The following KANK1 variants were observed in gnomAD, a reference collection of about 807,000 sequenced individuals.
The protein encoded by KANK1 is KN motif and ankyrin repeat domains 1, also known as KN motif and ankyrin repeat domain-containing protein 1.
KANK1 carries 109 observed loss-of-function variants against 106.2 expected under a neutral mutation model. That is an observed-to-expected ratio of 1.03 (90% CI 0.88 to 1.20). The LOEUF is 1.20. KANK1 is among the 50% of genes most tolerant of loss of function. KANK1 has a pLI of 0.00. For missense variants in KANK1, 2,399 were observed against 1,710.7 expected, an observed-to-expected ratio of 1.40 and a Z score of -7.10; for synonymous variants, 873 against 652.2, an observed-to-expected ratio of 1.34 and a Z score of -5.16.
At chr9:561,731 A>C (rs995021727) in intron 1 of KANK1, among the ~76,000 whole-genome samples, 3 of 152,224 alleles carry the variant, frequency 2.0e-5, no homozygotes, top group Non-Finnish European at 4.4e-5. Context: ...AGGCTCCTTA[A>C]AAAATGCATG....
At chr9:726,320 T>C (rs1830623680) in intron 3 of KANK1, among the ~76,000 whole-genome samples, 2 of 152,162 alleles carry the variant, frequency 1.3e-5, no homozygotes, top group Admixed American at 1.3e-4. Context: ...AATAAGCCCA[T>C]TGATCTTTTC....
intron 1 of KANK1, among the ~76,000 whole-genome samples, chr9:609,794 A>G (rs1014178907): frequency 2.0e-5 from 3 of 152,202 alleles, no homozygotes; most frequent in African/African-American, 4.8e-5. Context: ...GTTTGGAACT[A>G]TGGCAAAATT....
chr9:684,343 G>T (rs1818137051), intron 2 of KANK1: 1 of 985,298 alleles, frequency 1.0e-6, no homozygotes, highest in Non-Finnish European at 1.2e-6. Flanking sequence ...ACTGGGCAAA[G>T]AAACCCTTTG....
intron 1 of KANK1, among the ~76,000 whole-genome samples, chr9:541,142 A>C (rs2060574830): frequency 1.3e-5 from 2 of 152,174 alleles, no homozygotes; most frequent in South Asian, 2.1e-4. Flanking sequence ...ACACAAAAAA[A>C]CAGAGAGCTG....
At chr9:655,238 G>A (rs1450531019) in intron 1 of KANK1, among the ~76,000 whole-genome samples, 1 of 152,016 alleles carries the variant, frequency 6.6e-6, no homozygotes, top group African/African-American at 2.4e-5. Flanking sequence ...GGGCATGATG[G>A]CACACGCTTG....
intron 1 of KANK1, among the ~76,000 whole-genome samples, chr9:514,350 G>C (rs1029378235): frequency 6.8e-6 from 1 of 146,586 alleles, no homozygotes; most frequent in Non-Finnish European, 1.5e-5. Context: ...CTTTTTAGGG[G>C]ATGGGATTAT....
intron 8 of KANK1, 46 bp downstream of exon 8, chr9:738,550 G>C (rs1834431838): frequency 6.8e-7 from 1 of 1,472,124 alleles, no homozygotes; most frequent in African/African-American, 1.4e-5. Flanking sequence ...CAGTACTTGG[G>C]TTGTGACTCA....
At chr9:632,051 G>C (rs10815382) in intron 1 of KANK1, among the ~76,000 whole-genome samples, 75,064 of 152,028 alleles carry the variant, frequency 0.49, 18,997 homozygotes, top group East Asian at 0.59. Flanking sequence ...CCCTGTCTCC[G>C]TAGCATTGTG....
rs72691357 is a variant in KANK1 at position 658,997 on chromosome 9, C to T, written c.-83-17893C>T. ...TAAGGAAGGGTACCTCTGTTATTCTCACTCAACACCTGTTTTTTTCTCCTT... is the reference window on the plus strand; with the variant it reads ...TAAGGAAGGGTACCTCTGTTATTCTTACTCAACACCTGTTTTTTTCTCCTT... On this transcript the variant is annotated intron_variant, in intron 1 of 11. Transcript: ENST00000382297. Among the ~76,000 whole-genome samples the T allele has an allele frequency of 8.6e-3, 1,309 of 151,978 alleles. 30 individuals are homozygous for T. The highest frequency in any genetic ancestry group is 0.03 in the African/African-American group (1,222 of 41,236).
At chr9:692,766 G>C (rs893269409) in intron 2 of KANK1, among the ~76,000 whole-genome samples, 17 of 151,942 alleles carry the variant, frequency 1.1e-4, no homozygotes, top group Non-Finnish European at 2.2e-4. Context: ...TGTAATCCCA[G>C]CACTTTGGGA....
intron 1 of KANK1, among the ~76,000 whole-genome samples, chr9:628,642 A>G (rs767954885): frequency 1.1e-4 from 17 of 152,138 alleles, no homozygotes; most frequent in Non-Finnish European, 1.9e-4. Context: ...CTTAGGATTC[A>G]AATCTTCAGG....
intron 1 of KANK1, among the ~76,000 whole-genome samples, chr9:523,881 GT>G (rs2059663599): frequency 6.6e-6 from 1 of 150,546 alleles, no homozygotes; most frequent in Non-Finnish European, 1.5e-5. Flanking sequence ...TATATTTATT[GT>G]TTATTTTCAG....
chr9:504,825 C>A (rs2058665784), intron 1 of KANK1, 71 bp downstream of exon 1: 1 of 126,734 alleles, frequency 7.9e-6, no homozygotes, highest in South Asian at 2.3e-4. Context: ...GAGGCCCCTA[C>A]CCCTGCCTCG....
intron 1 of KANK1, among the ~76,000 whole-genome samples, chr9:586,747 C>T (rs1225366292): frequency 2.0e-5 from 3 of 152,136 alleles, no homozygotes; most frequent in African/African-American, 7.2e-5. Context: ...ATGAGGGATC[C>T]AGCGCTTTTC....
intron 1 of KANK1, among the ~76,000 whole-genome samples, chr9:661,973 T>G (rs1160170465): frequency 6.6e-6 from 1 of 152,226 alleles, no homozygotes; most frequent in Non-Finnish European, 1.5e-5. Context: ...GATGGGGTTG[T>G]TTGATTTTTT....
chr9:587,385 C>G (rs1181375401), intron 1 of KANK1, among the ~76,000 whole-genome samples: 1 of 151,792 alleles, frequency 6.6e-6, no homozygotes, highest in Non-Finnish European at 1.5e-5. Context: ...CAATAAATAC[C>G]CCATTTTCAT....
chr9:547,437 G>C (rs1277541991), intron 1 of KANK1: 2 of 142,966 alleles, frequency 1.4e-5, no homozygotes, highest in Admixed American at 7.0e-5. Flanking sequence ...ATGAAAACGA[G>C]CTTGAGTATT....
chr9:684,554 T>C, intron 2 of KANK1: 1 of 985,468 alleles, frequency 1.0e-6, no homozygotes, highest in Non-Finnish European at 1.2e-6. Context: ...TGCTCTGCTC[T>C]TCCTCAGCAG....
chr9:501,613 TACACACACACAC>T (rs60211646), upstream of KANK1, among the ~76,000 whole-genome samples: 3 of 148,432 alleles, frequency 2.0e-5, no homozygotes, highest in East Asian at 2.0e-4. Context: ...CGCACAGACA[TACACACACACAC>T]ACACACACAC....
Sources: gnomAD v4.1 joint callset for allele counts (sites outside exome capture counted in the v4.1 genomes callset) on GRCh38, gnomAD v4.1.1 for gene constraint, MANE v1.5 for transcripts, NCBI Gene and HGNC (gene_info 2026-07-23, HGNC 2026-07-21) for gene names.